MIPOL1: variants seen among roughly 807,000 people sequenced by gnomAD.
MIPOL1 encodes the protein mirror-image polydactyly 1.
In MIPOL1, 57 loss-of-function variants were observed where a neutral mutation model predicts 60.9. That is an observed-to-expected ratio of 0.94 (90% CI 0.76 to 1.17). The LOEUF (loss-of-function observed/expected upper bound fraction) is 1.17, where lower values mean the gene tolerates loss of function less well. Ranked by LOEUF, MIPOL1 falls within the 50% of genes most tolerant of loss-of-function variation. The pLI is 0.00. For synonymous variants in MIPOL1, 179 were observed against 168.8 expected (o/e 1.06, Z -0.47); for missense variants, 551 against 511.6 (o/e 1.08, Z -0.74).
intron 11 of MIPOL1, among the ~76,000 whole-genome samples, chr14:37,486,321 C>CT (rs1244279013): frequency 2.6e-5 from 4 of 152,072 alleles, no homozygotes; most frequent in Non-Finnish European, 4.4e-5. Flanking sequence ...CAATGCAGAT[C>CT]TTTTTTGGTT....
intron 9 of MIPOL1, among the ~76,000 whole-genome samples, chr14:37,331,484 T>C (rs1464248555): frequency 6.6e-6 from 1 of 152,084 alleles, no homozygotes; most frequent in African/African-American, 2.4e-5. Context: ...GACTTTTTAC[T>C]TCTTTGATTA....
At chr14:37,288,872 C>A (rs890728575) in intron 7 of MIPOL1, among the ~76,000 whole-genome samples, 1 of 151,976 alleles carries the variant, frequency 6.6e-6, no homozygotes, top group Non-Finnish European at 1.5e-5. Flanking sequence ...CGTTTTCATT[C>A]TTTCTGGGCC....
Position 37,261,619 on chromosome 14 carries a change from A to T in MIPOL1, c.20-5319A>T, listed in dbSNP as rs375427859. On this transcript the variant is annotated intron_variant, in intron 3 of 12. Coordinates refer to ENST00000684589, the MANE Select transcript of MIPOL1 (RefSeq NM_001388067.1). ...GGTCCCAAGATGGTGATGTTATCTCACAGAAAGGTGAGAGAAATCAAAATA... is the reference window on the plus strand; with the variant it reads ...GGTCCCAAGATGGTGATGTTATCTCTCAGAAAGGTGAGAGAAATCAAAATA... Among the ~76,000 whole-genome samples the T allele has an allele frequency of 7.3e-4, 111 of 152,270 alleles. 3 individuals carry two copies. In the South Asian group the frequency reaches 0.022, roughly 30 times the overall value.
chr14:37,337,799 A>G (rs1595219764), intron 9 of MIPOL1, among the ~76,000 whole-genome samples: 2 of 152,136 alleles, frequency 1.3e-5, no homozygotes, highest in South Asian at 4.1e-4. Context: ...AATCAGATAT[A>G]TAATTTGCAA....
At chr14:37,229,716 TATTAA>T (rs1319683005) in intron 1 of MIPOL1, among the ~76,000 whole-genome samples, 8 of 152,222 alleles carry the variant, frequency 5.3e-5, no homozygotes, top group African/African-American at 1.4e-4. Context: ...TAGGGGCTTT[TATTAA>T]ATTAAATTTA....
intron 9 of MIPOL1, 32 bp downstream of exon 9, chr14:37,308,551 C>T: frequency 7.1e-7 from 1 of 1,413,788 alleles, no homozygotes; most frequent in South Asian, 1.8e-5. Flanking sequence ...AAAGCATATA[C>T]TTACCATTTT....
chr14:37,375,437 G>A (rs979656778), intron 10 of MIPOL1, among the ~76,000 whole-genome samples: 7 of 151,806 alleles, frequency 4.6e-5, no homozygotes, highest in Admixed American at 1.3e-4. Flanking sequence ...ATTCCGCTTC[G>A]ACCTCCCACA....
intron 7 of MIPOL1, among the ~76,000 whole-genome samples, chr14:37,302,823 A>G (rs2086430743): frequency 1.3e-5 from 2 of 151,784 alleles, no homozygotes; most frequent in Admixed American, 6.6e-5. Context: ...AATATCACAT[A>G]ATCTTGATAG....
intron 11 of MIPOL1, among the ~76,000 whole-genome samples, chr14:37,457,079 A>T (rs2153579058): frequency 6.6e-6 from 1 of 152,310 alleles, no homozygotes; most frequent in Non-Finnish European, 1.5e-5. Context: ...CTCGTCATGA[A>T]AAGATAAAAT....
intron 9 of MIPOL1, among the ~76,000 whole-genome samples, chr14:37,311,632 G>T (rs1469289498): frequency 1.3e-5 from 2 of 151,684 alleles, no homozygotes; most frequent in African/African-American, 4.8e-5. Flanking sequence ...TTTTAACTTT[G>T]ATTTTTTAAA....
chr14:37,429,762 T>C (rs1347747048), intron 11 of MIPOL1, among the ~76,000 whole-genome samples: 1 of 152,100 alleles, frequency 6.6e-6, no homozygotes, highest in East Asian at 1.9e-4. Context: ...CTTTGTGTAC[T>C]TTTTTTGGTC....
intron 1 of MIPOL1, among the ~76,000 whole-genome samples, chr14:37,200,850 ATGTGTGTGTG>A (rs56965903): frequency 0.022 from 1,920 of 87,024 alleles, 63 homozygotes; most frequent in African/African-American, 0.067. Flanking sequence ...ATATCTATCT[ATGTGTGTGTG>A]TGTGTGTGTG....
intron 11 of MIPOL1, among the ~76,000 whole-genome samples, chr14:37,479,017 T>G (rs2094820596): frequency 6.6e-6 from 1 of 152,030 alleles, no homozygotes; most frequent in Non-Finnish European, 1.5e-5. Context: ...AAACAGATAT[T>G]AAAGGATCAG....
chr14:37,436,810 G>T (rs1281996750), intron 11 of MIPOL1, among the ~76,000 whole-genome samples: 2 of 152,142 alleles, frequency 1.3e-5, no homozygotes, highest in African/African-American at 2.4e-5. Context: ...CCTATAGTTA[G>T]GTATTTAAAT....
intron 12 of MIPOL1, among the ~76,000 whole-genome samples, chr14:37,514,965 C>A (rs2095358325): frequency 6.6e-6 from 1 of 152,126 alleles, no homozygotes; most frequent in Non-Finnish European, 1.5e-5. Flanking sequence ...TGTAGAAATA[C>A]AAATTTCACT....
intron 11 of MIPOL1, among the ~76,000 whole-genome samples, chr14:37,496,791 G>T (rs962738943): frequency 1.3e-5 from 2 of 152,054 alleles, no homozygotes; most frequent in Admixed American, 6.6e-5. Flanking sequence ...CACAGAATTG[G>T]AAAAAACTAC....
chr14:37,505,830 T>C (rs984174384), intron 12 of MIPOL1: 5 of 152,218 alleles, frequency 3.3e-5, no homozygotes, highest in African/African-American at 7.2e-5. Flanking sequence ...TGTTTGCATA[T>C]GACATGATTG....
At chr14:37,418,370 G>A (rs923468702) in intron 10 of MIPOL1, among the ~76,000 whole-genome samples, 1 of 152,086 alleles carries the variant, frequency 6.6e-6, no homozygotes, top group African/African-American at 2.4e-5. Context: ...ACAAATGGCT[G>A]TCCTATTTAG....
chr14:37,499,763 T>C (rs1594748662), intron 11 of MIPOL1, 145 bp from the exon 12 acceptor site: 1 of 476,098 alleles, frequency 2.1e-6, no homozygotes, highest in African/African-American at 2.0e-5. Flanking sequence ...TATAATGTTG[T>C]GACATAAAAA....
Sources: allele counts gnomAD v4.1 joint callset (sites outside exome capture counted in the v4.1 genomes callset), GRCh38; gene constraint gnomAD v4.1.1; transcripts MANE v1.5; gene names NCBI Gene and HGNC (gene_info 2026-07-23, HGNC 2026-07-21).